The following JAKMIP1 variants were observed in gnomAD, a reference collection of about 807,000 sequenced individuals.
JAKMIP1 encodes janus kinase and microtubule-interacting protein 1.
In JAKMIP1, 33 loss-of-function variants were observed where a neutral mutation model predicts 113.0. The ratio of observed to expected loss-of-function variants is 0.29; its 90% CI spans 0.22 to 0.39. JAKMIP1 has a LOEUF of 0.39. Ranked by LOEUF, JAKMIP1 falls within the 10% of genes least tolerant of loss-of-function variation. JAKMIP1 has a pLI of 1.00. For missense variants in JAKMIP1, 813 were observed against 1,080.5 expected, an observed-to-expected ratio of 0.75 and a Z score of 3.47; for synonymous variants, 480 against 459.9, an observed-to-expected ratio of 1.04 and a Z score of -0.56.
chr4:6,099,437 G>A lies in JAKMIP1; in HGVS notation c.624+6036C>T, dbSNP rs543879086. The stretch of plus-strand genomic sequence containing the variant: ...AGCCTCCTTGAACTCATAGCGTCAC[G>A]CACCCCCTCAGACAAGACTGAAGGA... On this transcript the variant is annotated intron_variant, in intron 3 of 20. Coordinates refer to ENST00000409021, the MANE Select transcript of JAKMIP1 (RefSeq NM_001099433.2). Among the ~76,000 whole-genome samples, 7 of 152,214 alleles carry A rather than the reference G, an allele frequency of 4.6e-5. No individual in the cohort carries two copies. In the South Asian group the frequency reaches 1.2e-3, roughly 27 times the overall value.
intron 1 of JAKMIP1, among the ~76,000 whole-genome samples, chr4:6,163,191 G>A (rs1051347910): frequency 3.9e-5 from 6 of 152,208 alleles, no homozygotes; most frequent in Non-Finnish European, 5.9e-5. Context: ...CAACTTTATC[G>A]TGCTTCGCAG....
chr4:6,119,925 T>G (rs924772088), intron 1 of JAKMIP1, among the ~76,000 whole-genome samples: 2 of 152,312 alleles, frequency 1.3e-5, no homozygotes. Flanking sequence ...CCTGATAGTT[T>G]TATAGGAGGA....
rs1252681226 is a variant in JAKMIP1, at chr4:6,116,228, C to T, written c.-147-3231G>A. ...TCCCGACGCTCACAGCACCACACAG[C>T]ATCACTGTAATCAGCCCCTCTGGCT... is the stretch of plus-strand genomic sequence containing the variant. On this transcript the variant is annotated intron_variant, in intron 1 of 20. Transcript: ENST00000409021. This position sits in a 1 kb window ranked among gnomAD's most constrained non-coding sequence, Gnocchi z 5.1. 2.0e-5 allele frequency among the ~76,000 whole-genome samples: 3 copies of T among 152,266 alleles called. No homozygotes were observed. In the East Asian group the frequency reaches 5.8e-4, roughly 29 times the overall value.
rs550260375 is a variant in JAKMIP1, at chr4:6,161,794, G to A, written c.-148+38459C>T. On this transcript the variant is annotated intron_variant, in intron 1 of 20. Coordinates refer to ENST00000409021, the MANE Select transcript of JAKMIP1 (RefSeq NM_001099433.2). Reference sequence around the variant, plus strand: ...TGTGTGGAGGAGGAACTGGAGGGCCGGATTAGATGAGGTAGAACCCAGGAG... The same window carrying A: ...TGTGTGGAGGAGGAACTGGAGGGCCAGATTAGATGAGGTAGAACCCAGGAG... Among the ~76,000 whole-genome samples the A allele has an allele frequency of 4.6e-5, 7 of 152,206 alleles. 1 individual carries two copies. In the South Asian group the frequency reaches 8.3e-4, roughly 18 times the overall value.
At position 6,105,915 on chromosome 4, in the gene JAKMIP1, T is replaced by C; in HGVS notation, c.182A>G (p.Glu61Gly). 23 of 1,610,816 alleles carry C rather than the reference T, an allele frequency of 1.4e-5. No homozygotes were observed. Among genetic ancestry groups the C allele is most frequent in the Non-Finnish European group, 2.0e-5 (23 of 1,179,308 alleles). Residue 61 changes from glutamate to glycine, a missense_variant, in exon 3 of 21, where the codon GAG (glutamate) becomes GGG (glycine). By Grantham distance (98) the Glu-to-Gly change is moderately conservative (BLOSUM62 -2). Transcript: ENST00000409021. ...AATGTAGGCCGTGTGCCGTCGCTGCTCCTGCTCGCGCTCCAGCTTCGCCTC... is the reference window on the plus strand; with the variant it reads ...AATGTAGGCCGTGTGCCGTCGCTGCCCCTGCTCGCGCTCCAGCTTCGCCTC... ...LQEAKLEREQ[E>G]QRRHTAYISE...
intron 13 of JAKMIP1, among the ~76,000 whole-genome samples, chr4:6,052,304 G>A (rs971407996): frequency 2.9e-4 from 44 of 151,906 alleles, no homozygotes; most frequent in East Asian, 7.7e-4. Context: ...CTTAAATGGC[G>A]TCCCCATAGA....
rs1719614989 is a variant in JAKMIP1 at position 6,138,654 on chromosome 4, T to C, written c.-147-25657A>G. On this transcript the variant is annotated intron_variant, in intron 1 of 20. Transcript: ENST00000409021. The surrounding 1 kb of genome is among the most constrained non-coding windows in gnomAD (Gnocchi z 6.0). Reference sequence around the variant, plus strand: ...AGACCCTCCACACACCTACATCCACTGGCAGAACTTCACGTTCTAGAACCA... The same window carrying C: ...AGACCCTCCACACACCTACATCCACCGGCAGAACTTCACGTTCTAGAACCA... Among the ~76,000 whole-genome samples, 2 of 152,150 alleles carry C rather than the reference T, an allele frequency of 1.3e-5. No individual in the cohort carries two copies. The highest frequency in any genetic ancestry group is 3.2e-3 in the Middle Eastern group (1 of 316).
rs944075567 is a variant in JAKMIP1 at position 6,042,006 on chromosome 4, G to A, written c.2097+153C>T. On this transcript the variant is annotated intron_variant, in intron 17 of 20. Transcript: ENST00000409021. The surrounding 1 kb of genome is among the most constrained non-coding windows in gnomAD (Gnocchi z 5.2). ...GAGCGAGTGAAAGAGTAAGTAAATG[G>A]GTGACAATTACTTAGAACAACCACT... is the stretch of plus-strand genomic sequence containing the variant. Among the ~76,000 whole-genome samples, 1 of 152,092 alleles carries A rather than the reference G, an allele frequency of 6.6e-6. No individual in the cohort carries two copies. Among genetic ancestry groups the A allele is most frequent in the Non-Finnish European group, 1.5e-5 (1 of 68,022 alleles).
chr4:6,063,034 C>A (rs775836026), intron 9 of JAKMIP1, among the ~76,000 whole-genome samples: 6 of 152,070 alleles, frequency 3.9e-5, no homozygotes, highest in Admixed American at 3.9e-4. Flanking sequence ...TCCAGCTACT[C>A]GGGAGGCTGA....
chr4:6,118,123 A>G (rs950657227), intron 1 of JAKMIP1, among the ~76,000 whole-genome samples: 3 of 152,246 alleles, frequency 2.0e-5, no homozygotes, highest in African/African-American at 7.2e-5. Context: ...TGAAATCTTT[A>G]CAATTTATGT....
rs1713984290 is a variant in JAKMIP1, at chr4:6,106,536, TCTC to T, written c.130-572_130-570del. 7.0e-6 allele frequency among the ~76,000 whole-genome samples: 1 copy of T among 142,804 alleles called. No homozygotes were observed. The highest frequency in any genetic ancestry group is 6.8e-5 in the Admixed American group (1 of 14,686). 93.7% of individuals were successfully genotyped at this position (142,804 alleles called of 152,430 possible). On this transcript the variant is annotated intron_variant, in intron 2 of 20. Coordinates refer to ENST00000409021, the MANE Select transcript of JAKMIP1 (RefSeq NM_001099433.2). The surrounding 1 kb of genome is among the most constrained non-coding windows in gnomAD (Gnocchi z 5.9). ...AGCGTGCTCCCTCTCTTTCTCCCTC[TCTC>T]CTCTCTCTCTCTCTCTCTTCCTCTC...
chr4:6,105,784 T>C lies in JAKMIP1; in HGVS notation c.313A>G (p.Ile105Val). 1 of 1,607,336 alleles carries C rather than the reference T, an allele frequency of 6.2e-7. No individual in the cohort carries two copies. The highest frequency in any genetic ancestry group is 8.5e-7 in the Non-Finnish European group (1 of 1,179,406). ...HEQEAARTAK[I>V]KEGELQRLQA... is the part of the protein sequence containing the mutation. ...AGCCGCTGCAGCTCGCCCTCCTTGA[T>C]CTTGGCGGTGCGCGCCGCCTCCTGC... Residue 105 changes from isoleucine to valine, a missense_variant, in exon 3 of 21, where the codon ATC becomes GTC. Transcript: ENST00000409021.
intron 1 of JAKMIP1, among the ~76,000 whole-genome samples, chr4:6,113,719 C>T (rs12186253): frequency 0.13 from 20,500 of 152,244 alleles, 1,613 homozygotes; most frequent in Non-Finnish European, 0.18. Context: ...TCGGAAAGCC[C>T]GCCTCTGCTC....
chr4:6,187,616 G>A lies in JAKMIP1; in HGVS notation c.-148+12637C>T, dbSNP rs1452219557. Among the ~76,000 whole-genome samples the A allele has an allele frequency of 6.6e-6, 1 of 152,228 alleles. No individual in the cohort carries two copies. Among genetic ancestry groups the A allele is most frequent in the Non-Finnish European group, 1.5e-5 (1 of 68,038 alleles). On this transcript the variant is annotated intron_variant, in intron 1 of 20. Transcript: ENST00000409021. This position sits in a 1 kb window ranked among gnomAD's most constrained non-coding sequence, Gnocchi z 4.2. ...ACACAGCAAGAAGACTGCTGTCAAT[G>A]GGGAGGCAGGGCCTCACCAGACACT...
chr4:6,129,805 C>A lies in JAKMIP1; in HGVS notation c.-147-16808G>T, dbSNP rs1419597401. ...AAACACCCTTCCTGTTTCTGGCAGCCTCAATTGCCACCATCACCTGTCACT... is the reference window on the plus strand; with the variant it reads ...AAACACCCTTCCTGTTTCTGGCAGCATCAATTGCCACCATCACCTGTCACT... On this transcript the variant is annotated intron_variant, in intron 1 of 20. Transcript: ENST00000409021. This position sits in a 1 kb window ranked among gnomAD's most constrained non-coding sequence, Gnocchi z 5.4. 1.3e-5 allele frequency among the ~76,000 whole-genome samples: 2 copies of A among 152,234 alleles called. No homozygotes were observed. Among genetic ancestry groups the A allele is most frequent in the African/African-American group, 4.8e-5 (2 of 41,456 alleles).
At chr4:6,099,795 TG>T (rs1273223038) in intron 3 of JAKMIP1, among the ~76,000 whole-genome samples, 1 of 152,232 alleles carries the variant, frequency 6.6e-6, no homozygotes, top group Non-Finnish European at 1.5e-5. Flanking sequence ...TTACCTAAAA[TG>T]TCTTTATTTC....
Position 6,162,131 on chromosome 4 carries a change from A to G in JAKMIP1, c.-148+38122T>C, listed in dbSNP as rs1723048327. Among the ~76,000 whole-genome samples the G allele has an allele frequency of 6.6e-6, 1 of 150,658 alleles. No homozygotes were observed. The highest frequency in any genetic ancestry group is 6.6e-5 in the Admixed American group (1 of 15,230). On this transcript the variant is annotated intron_variant, in intron 1 of 20. Transcript: ENST00000409021. This position sits in a 1 kb window ranked among gnomAD's most constrained non-coding sequence, Gnocchi z 5.6. The stretch of plus-strand genomic sequence containing the variant: ...AGATTATGGGCCAGACGGGGGGCCA[A>G]GAGGTCAGCAGGGCCTCAGGGAAGG...
chr4:6,167,024 C>CA lies in JAKMIP1; in HGVS notation c.-148+33228dup, dbSNP rs1321275824. ...ATGACCCCTACCTCCTAGGGTCTCT[C>CA]AAATACTGTATGTGCTACCCCACAT... On this transcript the variant is annotated intron_variant, in intron 1 of 20. Coordinates refer to ENST00000409021, the MANE Select transcript of JAKMIP1 (RefSeq NM_001099433.2). This position sits in a 1 kb window ranked among gnomAD's most constrained non-coding sequence, Gnocchi z 5.3. Among the ~76,000 whole-genome samples the CA allele has an allele frequency of 2.0e-5, 3 of 152,010 alleles. No individual in the cohort carries two copies. The highest frequency in any genetic ancestry group is 2.9e-5 in the Non-Finnish European group (2 of 67,980).
intron 8 of JAKMIP1, among the ~76,000 whole-genome samples, chr4:6,071,546 C>CA (rs941624378): frequency 3.9e-5 from 6 of 152,214 alleles, no homozygotes; most frequent in African/African-American, 1.4e-4. Flanking sequence ...CCTGTGTGAA[C>CA]AAATTACCTA....
Sources: gnomAD v4.1 joint callset for allele counts (sites outside exome capture counted in the v4.1 genomes callset) on GRCh38, gnomAD v4.1.1 for gene constraint, Gnocchi (gnomAD v3.1) non-coding constraint, MANE v1.5 for transcripts, NCBI Gene and HGNC (gene_info 2026-07-23, HGNC 2026-07-21) for gene names.